Variants in ENOPH1 observed in about 807,000 individuals in gnomAD.
ENOPH1 encodes the protein enolase-phosphatase E1.
In ENOPH1, 14 loss-of-function variants were observed where a neutral mutation model predicts 31.1. The observed-to-expected ratio is 0.45, with a 90% CI of 0.30 to 0.70. ENOPH1 has a LOEUF of 0.70. Among genes scored for constraint, ENOPH1 ranks in the 30% least tolerant of loss-of-function variants. The probability of loss-of-function intolerance (pLI) is 0.09; values close to 1 mark genes in which losing one functional copy is unlikely to be tolerated. For synonymous variants in ENOPH1, 127 were observed against 123.2 expected, an observed-to-expected ratio of 1.03 and a Z score of -0.21; for missense variants, 243 against 321.5, an observed-to-expected ratio of 0.76 and a Z score of 1.87.
rs1722634775 is a variant in ENOPH1, at chr4:82,461,099, A to G, written c.*979A>G. Reference sequence around the variant, plus strand: ...GCATTTTTTCTTCACTCAGTTTTATATAGGTTCCTGAACTCTATCCACATG... The same window carrying G: ...GCATTTTTTCTTCACTCAGTTTTATGTAGGTTCCTGAACTCTATCCACATG... On this transcript the variant is annotated 3_prime_UTR_variant, in exon 6 of 6. Coordinates refer to ENST00000273920, the MANE Select transcript of ENOPH1 (RefSeq NM_021204.5). 1 of 152,202 alleles carries G rather than the reference A, an allele frequency of 6.6e-6. No individual in the cohort carries two copies. The highest frequency in any genetic ancestry group is 1.5e-5 in the Non-Finnish European group (1 of 68,028). 9.4% of individuals were successfully genotyped at this position (152,202 alleles called of 1,614,324 possible).
intron 1 of ENOPH1, among the ~76,000 whole-genome samples, chr4:82,446,778 C>A (rs28691722): frequency 0.1 from 14,451 of 143,068 alleles, 1,568 homozygotes; most frequent in African/African-American, 0.28. Context: ...GCAATCTCGG[C>A]TCACTGCAAG....
At chr4:82,449,374 A>G (rs1722287512) in intron 2 of ENOPH1, among the ~76,000 whole-genome samples, 1 of 152,204 alleles carries the variant, frequency 6.6e-6, no homozygotes, top group African/African-American at 2.4e-5. Flanking sequence ...TTTTAAGAAA[A>G]GAGGTTTAAT....
At chr4:82,435,851 A>G (rs1721891277) in intron 1 of ENOPH1, among the ~76,000 whole-genome samples, 1 of 152,178 alleles carries the variant, frequency 6.6e-6, no homozygotes, top group Non-Finnish European at 1.5e-5. Context: ...CATTCAGTCT[A>G]CGGATTTAGG....
intron 1 of ENOPH1, among the ~76,000 whole-genome samples, chr4:82,442,813 TC>T (rs1722074606): frequency 6.6e-6 from 1 of 152,176 alleles, no homozygotes; most frequent in African/African-American, 2.4e-5. Flanking sequence ...TTAGGAACCA[TC>T]AAGCCAGTTA....
intron 1 of ENOPH1, among the ~76,000 whole-genome samples, chr4:82,436,443 T>A (rs1721905735): frequency 6.6e-6 from 1 of 152,124 alleles, no homozygotes; most frequent in African/African-American, 2.4e-5. Flanking sequence ...CCTAGCACTT[T>A]GGAAGGCCAA....
At chr4:82,432,155 G>A (rs190215195) in intron 1 of ENOPH1, among the ~76,000 whole-genome samples, 1 of 152,286 alleles carries the variant, frequency 6.6e-6, no homozygotes, top group Non-Finnish European at 1.5e-5. Context: ...GCCTCCCAAA[G>A]TGCTGAGATT....
At chr4:82,436,686 CA>C (rs35557585) in intron 1 of ENOPH1, among the ~76,000 whole-genome samples, 11,028 of 110,752 alleles carry the variant, frequency 0.1, 438 homozygotes, top group Admixed American at 0.13. Flanking sequence ...GACCCTGTCT[CA>C]AAAAAAAAAA....
chr4:82,448,461 C>T (rs1348643148), intron 2 of ENOPH1, among the ~76,000 whole-genome samples: 4 of 151,572 alleles, frequency 2.6e-5, no homozygotes, highest in South Asian at 2.1e-4. Flanking sequence ...TGGGTTTCAC[C>T]GCATTGGACA....
intron 1 of ENOPH1, among the ~76,000 whole-genome samples, chr4:82,447,178 G>GTTTCACCATATTGGCCAGGCTGGTC (rs1722217161): frequency 6.6e-6 from 1 of 151,900 alleles, no homozygotes; most frequent in Non-Finnish European, 1.5e-5. Context: ...TAGAGACAGG[G>GTTTCACCATATTGGCCAGGCTGGTC]TTTCACCATG....
intron 1 of ENOPH1, among the ~76,000 whole-genome samples, chr4:82,437,772 G>C (rs1721944880): frequency 6.6e-6 from 1 of 152,184 alleles, no homozygotes; most frequent in Admixed American, 6.5e-5. Flanking sequence ...CAAGGGCAGA[G>C]ACCAGAGCCT....
At chr4:82,449,049 C>T (rs1015929585) in intron 2 of ENOPH1, among the ~76,000 whole-genome samples, 1 of 112,656 alleles carries the variant, frequency 8.9e-6, no homozygotes, top group East Asian at 2.5e-4. Context: ...CAGAGCGAGA[C>T]TCCGTCTCAA....
intron 2 of ENOPH1, 81 bp from the exon 3 acceptor site, chr4:82,450,962 T>C (rs772970947): frequency 3.5e-6 from 4 of 1,158,704 alleles, no homozygotes; most frequent in African/African-American, 1.5e-5. Flanking sequence ...AAAGTTGTTC[T>C]GCTGGGTTTT....
intron 1 of ENOPH1, 52 bp downstream of exon 1, chr4:82,430,965 A>AT: frequency 3.2e-6 from 5 of 1,542,802 alleles, no homozygotes; most frequent in Non-Finnish European, 4.5e-6. Context: ...AACAGTTATT[A>AT]TTTTTTCTAA....
rs1035246094 is a variant in ENOPH1, at chr4:82,430,597, G to A, written c.-233G>A. On this transcript the variant is annotated 5_prime_UTR_variant, in exon 1 of 6. Coordinates refer to ENST00000273920, the MANE Select transcript of ENOPH1 (RefSeq NM_021204.5). ...CCTTTTCCTGCCCACGTGGTCTCGG[G>A]CTCCTGCCCCGTCCTGCTCACGAGT... is the stretch of plus-strand genomic sequence containing the variant. 4.1e-6 allele frequency: 2 copies of A among 489,462 alleles called. No individual in the cohort carries two copies. Among genetic ancestry groups the A allele is most frequent in the Non-Finnish European group, 7.3e-6 (2 of 275,336 alleles). The allele number at this position is 489,462 out of a possible 1,614,324, so 30.3% of individuals were successfully genotyped here.
chr4:82,441,677 G>A (rs1722046353), intron 1 of ENOPH1, among the ~76,000 whole-genome samples: 1 of 151,970 alleles, frequency 6.6e-6, no homozygotes, highest in African/African-American at 2.4e-5. Flanking sequence ...TCTTGTGACA[G>A]TTATTTACTC....
intron 1 of ENOPH1, among the ~76,000 whole-genome samples, chr4:82,435,683 A>G (rs114958704): frequency 4.1e-4 from 63 of 152,304 alleles, no homozygotes; most frequent in Non-Finnish European, 7.9e-4. Context: ...TATTACTTCT[A>G]TTATTGCCAG....
intron 5 of ENOPH1, among the ~76,000 whole-genome samples, chr4:82,457,384 C>T (rs528446254): frequency 8.5e-5 from 13 of 152,212 alleles, no homozygotes; most frequent in African/African-American, 3.1e-4. Context: ...TATGATGGCT[C>T]ACTCCTGTGG....
At chr4:82,437,905 A>G (rs1721948640) in intron 1 of ENOPH1, among the ~76,000 whole-genome samples, 1 of 152,210 alleles carries the variant, frequency 6.6e-6, no homozygotes, top group Non-Finnish European at 1.5e-5. Context: ...TTGCTATTTC[A>G]GATTTCCTCA....
intron 1 of ENOPH1, among the ~76,000 whole-genome samples, chr4:82,446,042 C>T (rs1026785231): frequency 6.6e-6 from 1 of 152,182 alleles, no homozygotes; most frequent in African/African-American, 2.4e-5. Context: ...TGTGATTTAT[C>T]TTCTGGGAAC....
Sources: gnomAD v4.1 joint callset for allele counts (sites outside exome capture counted in the v4.1 genomes callset) on GRCh38, gnomAD v4.1.1 for gene constraint, MANE v1.5 for transcripts, NCBI Gene and HGNC (gene_info 2026-07-23, HGNC 2026-07-21) for gene names.